CAMK2B: variants seen among roughly 807,000 people sequenced by gnomAD.
The protein encoded by CAMK2B is calcium/calmodulin dependent protein kinase II beta, also known as calcium/calmodulin-dependent protein kinase type II subunit beta.
CAMK2B carries 27 observed loss-of-function variants against 93.7 expected under a neutral mutation model. The ratio of observed to expected loss-of-function variants is 0.29; its 90% CI spans 0.21 to 0.40. CAMK2B has a LOEUF of 0.40. Among genes scored for constraint, CAMK2B ranks in the 10% least tolerant of loss-of-function variants. CAMK2B has a pLI of 1.00. For missense variants in CAMK2B, 568 were observed against 895.8 expected, an observed-to-expected ratio of 0.63 and a Z score of 4.67; for synonymous variants, 374 against 358.8, an observed-to-expected ratio of 1.04 and a Z score of -0.48.
chr7:44,273,993 T>A (rs2097003247), intron 2 of CAMK2B, among the ~76,000 whole-genome samples: 1 of 152,150 alleles, frequency 6.6e-6, no homozygotes, highest in East Asian at 1.9e-4. Context: ...CAGAAGCAAG[T>A]GGCCAGCAGT....
chr7:44,289,030 C>T (rs889381359), intron 1 of CAMK2B, among the ~76,000 whole-genome samples: 10 of 152,184 alleles, frequency 6.6e-5, no homozygotes, highest in African/African-American at 2.2e-4. Flanking sequence ...TCTGTCTCCT[C>T]CTCGCATCCA....
chr7:44,278,912 TG>T (rs1441143068), intron 2 of CAMK2B, among the ~76,000 whole-genome samples: 3 of 152,230 alleles, frequency 2.0e-5, no homozygotes, highest in African/African-American at 4.8e-5. Context: ...CTGTGATCTA[TG>T]CTGTGTGGCT....
chr7:44,238,688 C>G (rs1330710514), intron 13 of CAMK2B, among the ~76,000 whole-genome samples: 6 of 152,232 alleles, frequency 3.9e-5, no homozygotes, highest in African/African-American at 1.4e-4. Context: ...TCTGCCGGGT[C>G]CCCAGCCCAC....
At chr7:44,251,643 C>G (rs978334961) in intron 5 of CAMK2B, among the ~76,000 whole-genome samples, 1 of 152,210 alleles carries the variant, frequency 6.6e-6, no homozygotes, top group African/African-American at 2.4e-5. Flanking sequence ...TCGCTCCCCA[C>G]AGTCTGGCTA....
rs1317799285 is a variant in CAMK2B, at chr7:44,224,664, C to T, written c.1597+1852G>A. ...GGACTCCTGGGACCCCAGGCTGGCC[C>T]CAAGCCCATCTCTCAGAGCCAGAGG... On this transcript the variant is annotated intron_variant, in intron 20 of 23. Coordinates refer to ENST00000395749, the MANE Select transcript of CAMK2B (RefSeq NM_001220.5). The surrounding 1 kb of genome is among the most constrained non-coding windows in gnomAD (Gnocchi z 4.4). Among the ~76,000 whole-genome samples the T allele has an allele frequency of 6.6e-6, 1 of 152,172 alleles. No homozygotes were observed. The highest frequency in any genetic ancestry group is 2.4e-5 in the African/African-American group (1 of 41,442).
intron 2 of CAMK2B, among the ~76,000 whole-genome samples, chr7:44,270,615 A>T (rs1347598688): frequency 6.6e-6 from 1 of 152,240 alleles, no homozygotes; most frequent in African/African-American, 2.4e-5. Flanking sequence ...AACTGGCTGC[A>T]TCCAAATCCC....
At chr7:44,285,551 C>T (rs1369726201) in intron 1 of CAMK2B, among the ~76,000 whole-genome samples, 4 of 152,134 alleles carry the variant, frequency 2.6e-5, no homozygotes, top group African/African-American at 9.7e-5. Flanking sequence ...GGAAGAGGAG[C>T]GTCTTACATA....
rs767719361 is a variant in CAMK2B at position 44,242,241 on chromosome 7, C to T, written c.796G>A (p.Ala266Thr). The stretch of plus-strand genomic sequence containing the variant: ...ACGCAGACCCACGGGTGCTTCAGGG[C>T]CTCATGGGCTGTGATGCGCTTGGCA... ...NPAKRITAHEALKHPWVCQRS... is the reference protein window; with the variant it reads ...NPAKRITAHETLKHPWVCQRS... Residue 266 changes from alanine (A) to threonine (T), a missense_variant, in exon 10 of 24, where the codon GCC (alanine) becomes ACC (threonine). Ala to Thr is a moderately conservative substitution (Grantham distance 58, BLOSUM62 0). This residue lies in a region of CAMK2B where 105 missense variants were observed against 372.4 expected (regional missense o/e 0.28). Coordinates refer to ENST00000395749, the MANE Select transcript of CAMK2B (RefSeq NM_001220.5). 4.3e-6 allele frequency: 7 copies of T among 1,613,874 alleles called. No homozygotes were observed. In the South Asian group the frequency reaches 7.7e-5, roughly 18 times the overall value.
chr7:44,226,674 A>C (rs771163791), intron 19 of CAMK2B, 30 bp from the exon 20 acceptor site: 2 of 1,511,398 alleles, frequency 1.3e-6, no homozygotes, highest in South Asian at 2.7e-5. Flanking sequence ...ACGTGAACAC[A>C]AGGCAGGCAC....
intron 1 of CAMK2B, among the ~76,000 whole-genome samples, chr7:44,322,148 G>A (rs1342904267): frequency 3.9e-5 from 6 of 152,246 alleles, no homozygotes; most frequent in South Asian, 2.1e-4. Flanking sequence ...AGGTCGCCAC[G>A]CAGCAGCCTG....
At chr7:44,238,813 T>A (rs2096649256) in intron 13 of CAMK2B, among the ~76,000 whole-genome samples, 1 of 152,034 alleles carries the variant, frequency 6.6e-6, no homozygotes, top group African/African-American at 2.4e-5. Flanking sequence ...CCCTAAGCTC[T>A]CACCAGCCTT....
At chr7:44,309,358 C>A (rs1792840570) in intron 1 of CAMK2B, among the ~76,000 whole-genome samples, 1 of 152,210 alleles carries the variant, frequency 6.6e-6, no homozygotes, top group Non-Finnish European at 1.5e-5. Flanking sequence ...TTTAAGGCCA[C>A]TGAGCTCTCA....
intron 16 of CAMK2B, 35 bp from the exon 17 acceptor site, chr7:44,231,089 G>T: frequency 6.5e-7 from 1 of 1,543,814 alleles, no homozygotes; most frequent in Non-Finnish European, 8.8e-7. Context: ...GTCAGGATGC[G>T]GCCAAGGATA....
intron 13 of CAMK2B, among the ~76,000 whole-genome samples, chr7:44,238,313 G>A (rs1385134341): frequency 6.6e-6 from 1 of 152,340 alleles, no homozygotes; most frequent in South Asian, 2.1e-4. Context: ...ACGTTCACTT[G>A]CAGACAGGCG....
chr7:44,253,739 T>C (rs776095315), intron 5 of CAMK2B, among the ~76,000 whole-genome samples: 2 of 152,136 alleles, frequency 1.3e-5, no homozygotes, highest in Non-Finnish European at 2.9e-5. Context: ...CTGATGTGCA[T>C]GTGTGCCACC....
At chr7:44,321,907 G>C (rs568929624) in intron 1 of CAMK2B, among the ~76,000 whole-genome samples, 1 of 152,240 alleles carries the variant, frequency 6.6e-6, no homozygotes, top group East Asian at 1.9e-4. Flanking sequence ...TGTGTGAGTG[G>C]ACACTGCAGG....
intron 19 of CAMK2B, 44 bp from the exon 20 acceptor site, chr7:44,226,688 G>A (rs1295265104): frequency 3.3e-6 from 5 of 1,496,952 alleles, no homozygotes; most frequent in East Asian, 5.4e-5. Context: ...CAGGCACGGG[G>A]GGCACGCAGG....
chr7:44,258,169 A>T (rs937605400), intron 4 of CAMK2B, among the ~76,000 whole-genome samples: 12 of 152,184 alleles, frequency 7.9e-5, no homozygotes, highest in African/African-American at 2.7e-4. Context: ...GGCCCCAGAC[A>T]CCTTCTCACT....
At chr7:44,226,674 A>G in intron 19 of CAMK2B, 30 bp from the exon 20 acceptor site, 3 of 1,511,396 alleles carry the variant, frequency 2.0e-6, no homozygotes, top group Non-Finnish European at 2.6e-6. Context: ...ACGTGAACAC[A>G]AGGCAGGCAC....
Sources: allele counts gnomAD v4.1 joint callset (sites outside exome capture counted in the v4.1 genomes callset), GRCh38; gene constraint gnomAD v4.1.1; regional missense constraint gnomAD v4.1.1; non-coding constraint Gnocchi (gnomAD v3.1); transcripts MANE v1.5; gene names NCBI Gene and HGNC (gene_info 2026-07-23, HGNC 2026-07-21).